The following UNC5D variants were observed in gnomAD, a reference collection of about 807,000 sequenced individuals.
UNC5D encodes unc-5 netrin receptor D.
In UNC5D, 39 loss-of-function variants were observed where a neutral mutation model predicts 105.4. The observed-to-expected ratio is 0.37, with a 90% CI of 0.29 to 0.48. The LOEUF is 0.48. Among genes scored for constraint, UNC5D ranks in the 20% least tolerant of loss-of-function variants. The probability of loss-of-function intolerance (pLI) is 0.98; values close to 1 mark genes in which losing one functional copy is unlikely to be tolerated. For synonymous variants in UNC5D, 452 were observed against 450.4 expected, an observed-to-expected ratio of 1.00 and a Z score of -0.04; for missense variants, 991 against 1,202.4, an observed-to-expected ratio of 0.82 and a Z score of 2.60.
intron 1 of UNC5D, among the ~76,000 whole-genome samples, chr8:35,378,689 T>G (rs2128930318): frequency 6.6e-6 from 1 of 152,328 alleles, no homozygotes; most frequent in East Asian, 1.9e-4. Flanking sequence ...ATCAATCCAT[T>G]AGTTTTAGAA....
chr8:35,305,577 T>TTTTCCTTCTTTCTTTC (rs1808286268), intron 1 of UNC5D, among the ~76,000 whole-genome samples: 1 of 53,998 alleles, frequency 1.9e-5, no homozygotes, highest in Non-Finnish European at 4.5e-5. Context: ...CTTTCTTTCT[T>TTTTCCTTCTTTCTTTC]TTTCTTTCTT....
Position 35,790,738 on chromosome 8 carries a change from A to G in UNC5D, c.*175A>G. 1 of 663,728 alleles carries G rather than the reference A, an allele frequency of 1.5e-6. No individual in the cohort carries two copies. Among genetic ancestry groups the G allele is most frequent in the Non-Finnish European group, 2.6e-6 (1 of 389,602 alleles). The allele number at this position is 663,728 out of a possible 1,614,324, so 41.1% of individuals were successfully genotyped here. The stretch of plus-strand genomic sequence containing the variant: ...TATAGGTAAAACATGTTAATAGGGA[A>G]GAGTACAAGCTCTCTTACATATAAG... On this transcript the variant is annotated 3_prime_UTR_variant, in exon 17 of 17. Transcript: ENST00000404895.
chr8:35,765,455 C>G (rs1374462081), intron 14 of UNC5D, among the ~76,000 whole-genome samples: 1 of 152,118 alleles, frequency 6.6e-6, no homozygotes, highest in East Asian at 1.9e-4. Flanking sequence ...TAATAACAAA[C>G]AAAACGACCC....
At chr8:35,472,254 G>A (rs115155980) in intron 1 of UNC5D, among the ~76,000 whole-genome samples, 2 of 152,186 alleles carry the variant, frequency 1.3e-5, no homozygotes, top group African/African-American at 4.8e-5. Context: ...GCATAGGTGG[G>A]GAACCTCTAC....
intron 1 of UNC5D, among the ~76,000 whole-genome samples, chr8:35,417,253 ACCTTCTGGTAG>A (rs1157972440): frequency 6.7e-6 from 1 of 149,834 alleles, no homozygotes; most frequent in African/African-American, 2.5e-5. Context: ...TACCCTTCTC[ACCTTCTGGTAG>A]CCATCCTTTT....
At chr8:35,566,942 T>C (rs1011082077) in intron 2 of UNC5D, among the ~76,000 whole-genome samples, 24 of 152,110 alleles carry the variant, frequency 1.6e-4, no homozygotes, top group African/African-American at 5.6e-4. Flanking sequence ...CTTCCATCCT[T>C]GGTACAGGAC....
At chr8:35,432,838 C>T (rs922533283) in intron 1 of UNC5D, among the ~76,000 whole-genome samples, 2 of 152,114 alleles carry the variant, frequency 1.3e-5, no homozygotes, top group South Asian at 2.1e-4. Context: ...CTATCACTTT[C>T]GAGGCCAAGG....
chr8:35,677,489 T>A (rs1372789379), intron 4 of UNC5D, among the ~76,000 whole-genome samples: 2 of 152,060 alleles, frequency 1.3e-5, no homozygotes, highest in Non-Finnish European at 2.9e-5. Flanking sequence ...CTATTTTATT[T>A]ATTAAACTGT....
intron 9 of UNC5D, 45 bp downstream of exon 9, chr8:35,722,440 A>G: frequency 1.3e-6 from 2 of 1,585,848 alleles, no homozygotes; most frequent in Non-Finnish European, 1.7e-6. Flanking sequence ...AGTGCCATAG[A>G]CTACGCTCAC....
At chr8:35,600,045 A>G (rs1175836279) in intron 4 of UNC5D, among the ~76,000 whole-genome samples, 4 of 152,036 alleles carry the variant, frequency 2.6e-5, no homozygotes, top group African/African-American at 7.3e-5. Flanking sequence ...GAGTGAGAAC[A>G]TGAGGTGTTT....
chr8:35,601,950 T>C (rs1345658626), intron 4 of UNC5D, among the ~76,000 whole-genome samples: 5 of 152,340 alleles, frequency 3.3e-5, no homozygotes, highest in South Asian at 2.1e-4. Flanking sequence ...TAGATAGCTC[T>C]TATTATTTTG....
intron 2 of UNC5D, among the ~76,000 whole-genome samples, chr8:35,552,494 C>G (rs1447331762): frequency 6.6e-6 from 1 of 152,222 alleles, no homozygotes; most frequent in Non-Finnish European, 1.5e-5. Flanking sequence ...TGTGTATCAT[C>G]CTATACATAT....
chr8:35,261,393 C>T (rs1449865821), intron 1 of UNC5D, among the ~76,000 whole-genome samples: 1 of 152,064 alleles, frequency 6.6e-6, no homozygotes, highest in Admixed American at 6.6e-5. Flanking sequence ...GGTTTTGCTG[C>T]TTATAAAGGC....
At chr8:35,512,569 A>ATATCTATCTATC (rs539399345) in intron 1 of UNC5D, among the ~76,000 whole-genome samples, 3 of 64,840 alleles carry the variant, frequency 4.6e-5, no homozygotes, top group African/African-American at 2.4e-4. Flanking sequence ...ATATATATAT[A>ATATCTATCTATC]TCTGAATAGA....
At chr8:35,520,703 C>T (rs1331095695) in intron 1 of UNC5D, among the ~76,000 whole-genome samples, 1 of 151,750 alleles carries the variant, frequency 6.6e-6, no homozygotes, top group Non-Finnish European at 1.5e-5. Context: ...AAACCATGAA[C>T]ATATAAAGGA....
At chr8:35,411,550 A>T (rs1805169662) in intron 1 of UNC5D, among the ~76,000 whole-genome samples, 2 of 152,052 alleles carry the variant, frequency 1.3e-5, no homozygotes, top group Admixed American at 1.3e-4. Context: ...TTTTTCATGA[A>T]TTGAATGAAA....
At chr8:35,447,231 A>G (rs1807855528) in intron 1 of UNC5D, among the ~76,000 whole-genome samples, 1 of 152,150 alleles carries the variant, frequency 6.6e-6, no homozygotes, top group South Asian at 2.1e-4. Context: ...ACAATCTAGT[A>G]AATGCTTATC....
intron 3 of UNC5D, among the ~76,000 whole-genome samples, chr8:35,580,753 G>A (rs1451218694): frequency 6.6e-6 from 1 of 152,088 alleles, no homozygotes; most frequent in East Asian, 1.9e-4. Context: ...TGTGGATGTA[G>A]GAATCTATAG....
chr8:35,332,028 T>C (rs571032859), intron 1 of UNC5D, among the ~76,000 whole-genome samples: 2 of 152,338 alleles, frequency 1.3e-5, no homozygotes, highest in East Asian at 3.9e-4. Flanking sequence ...ATGCCTTACA[T>C]TGAATCTTCA....
Sources: allele counts gnomAD v4.1 joint callset (sites outside exome capture counted in the v4.1 genomes callset), GRCh38; gene constraint gnomAD v4.1.1; transcripts MANE v1.5; gene names NCBI Gene and HGNC (gene_info 2026-07-23, HGNC 2026-07-21).